The following PAK1 variants were observed in gnomAD, a reference collection of about 807,000 sequenced individuals.
PAK1 encodes the protein serine/threonine-protein kinase PAK 1.
Under a neutral mutation model 67.4 loss-of-function variants are expected in PAK1, and 29 were observed. The ratio of observed to expected loss-of-function variants is 0.43; its 90% CI spans 0.32 to 0.59. The LOEUF (loss-of-function observed/expected upper bound fraction) is 0.59, where lower values mean the gene tolerates loss of function less well. PAK1 is among the 20% of genes least tolerant of loss of function. The pLI is 0.07. For synonymous variants in PAK1, 223 were observed against 237.4 expected, an observed-to-expected ratio of 0.94 and a Z score of 0.56; for missense variants, 337 against 670.7, an observed-to-expected ratio of 0.50 and a Z score of 5.50.
chr11:77,378,148 C>T (rs1487738677), intron 4 of PAK1, among the ~76,000 whole-genome samples: 1 of 152,106 alleles, frequency 6.6e-6, no homozygotes, highest in Non-Finnish European at 1.5e-5. Flanking sequence ...GAGTAAAGAG[C>T]CTAGAAATTA....
At chr11:77,376,814 C>T (rs1264543657) in intron 4 of PAK1, among the ~76,000 whole-genome samples, 2 of 151,806 alleles carry the variant, frequency 1.3e-5, no homozygotes, top group African/African-American at 2.4e-5. Context: ...GATTGTGCTT[C>T]GGTTATAGGC....
intron 5 of PAK1, among the ~76,000 whole-genome samples, chr11:77,371,510 G>C (rs1180765283): frequency 6.6e-6 from 1 of 152,164 alleles, no homozygotes; most frequent in Admixed American, 6.5e-5. Flanking sequence ...GAATGCTCAG[G>C]AGAGCAGAAT....
intron 8 of PAK1, among the ~76,000 whole-genome samples, chr11:77,350,254 A>G (rs1390918167): frequency 2.6e-5 from 4 of 152,182 alleles, no homozygotes; most frequent in African/African-American, 7.2e-5. Flanking sequence ...ACATAAAATG[A>G]TATTAAATAT....
At chr11:77,405,494 C>A (rs1953351851) in intron 1 of PAK1, among the ~76,000 whole-genome samples, 1 of 151,160 alleles carries the variant, frequency 6.6e-6, no homozygotes, top group African/African-American at 2.4e-5. Flanking sequence ...AGAAGTAATT[C>A]AAAGGCAGAT....
At chr11:77,489,649 C>T in the PAK1 span, among the ~76,000 whole-genome samples, 1 of 151,990 alleles carries the variant, frequency 6.6e-6, no homozygotes, top group Non-Finnish European at 1.5e-5. Context: ...CGGGGTTTCA[C>T]TGTGTTGGCC....
At chr11:77,511,210 G>A in the PAK1 span, among the ~76,000 whole-genome samples, 1 of 152,126 alleles carries the variant, frequency 6.6e-6, no homozygotes, top group Non-Finnish European at 1.5e-5. Context: ...AGGGAAGGGG[G>A]GCAGGATTTA....
chr11:77,335,559 C>G (rs901533253), intron 13 of PAK1, among the ~76,000 whole-genome samples: 1 of 152,172 alleles, frequency 6.6e-6, no homozygotes, highest in African/African-American at 2.4e-5. Context: ...CTTCTCACTT[C>G]CACTCCTACC....
At chr11:77,444,624 G>A (rs1391124890) in intron 1 of PAK1, among the ~76,000 whole-genome samples, 1 of 152,140 alleles carries the variant, frequency 6.6e-6, no homozygotes, top group Non-Finnish European at 1.5e-5. Flanking sequence ...AGAATAAATT[G>A]TTATATACCA....
At chr11:77,360,070 GC>G (rs548201516) in intron 5 of PAK1, among the ~76,000 whole-genome samples, 103 of 152,234 alleles carry the variant, frequency 6.8e-4, no homozygotes, top group African/African-American at 2.0e-3. Context: ...CAGGATGAGA[GC>G]CCCTCCTGCC....
intron 1 of PAK1, among the ~76,000 whole-genome samples, chr11:77,415,976 G>GTATTATTATTATTATTATTATTAT (rs71043573): frequency 0.02 from 3,003 of 147,404 alleles, 48 homozygotes; most frequent in African/African-American, 0.035. Context: ...TGTATTCTTT[G>GTATTATTATTATTATTATTATTAT]TATTATTATT....
At chr11:77,494,313 A>G in the PAK1 span, among the ~76,000 whole-genome samples, 3 of 149,096 alleles carry the variant, frequency 2.0e-5, no homozygotes, top group East Asian at 4.0e-4. Context: ...GTGGATCTCT[A>G]TGTACTAGTG....
chr11:77,388,801 T>G (rs1279844430), intron 2 of PAK1, among the ~76,000 whole-genome samples: 3 of 152,212 alleles, frequency 2.0e-5, no homozygotes, highest in Non-Finnish European at 4.4e-5. Flanking sequence ...TCCCAATATC[T>G]AGACCCCCAC....
At chr11:77,372,206 C>T (rs1346336900) in intron 5 of PAK1, among the ~76,000 whole-genome samples, 2 of 152,226 alleles carry the variant, frequency 1.3e-5, no homozygotes, top group Non-Finnish European at 2.9e-5. Context: ...AAGCACAATT[C>T]GGCTTAAAGC....
intron 1 of PAK1, among the ~76,000 whole-genome samples, chr11:77,408,971 AAGAC>A (rs988240137): frequency 6.6e-6 from 1 of 152,202 alleles, no homozygotes; most frequent in Non-Finnish European, 1.5e-5. Context: ...TTGTATCAAA[AAGAC>A]AGGCAAAGGC....
chr11:77,343,872 C>T lies in PAK1; in HGVS notation c.945G>A (p.Glu315=), dbSNP rs1190851707. The change falls in exon 10 of 15, where the codon GAG becomes GAA. Residue 315 remains glutamate, a synonymous_variant. Coordinates refer to ENST00000356341, the MANE Select transcript of PAK1 (RefSeq NM_002576.5). The part of the protein sequence containing the change: ...QQPKKELIIN[E]ILVMRENKNP... ...TCTTGTTTTCCCTCATGACCAGGAT[C>T]TCATTAATAATCAGCTCTTTCTTGG... 2.5e-6 allele frequency: 4 copies of T among 1,613,504 alleles called. No homozygotes were observed. The highest frequency in any genetic ancestry group is 3.4e-6 in the Non-Finnish European group (4 of 1,179,580).
chr11:77,489,967 C>T, the PAK1 span, among the ~76,000 whole-genome samples: 32 of 149,820 alleles, frequency 2.1e-4, 2 homozygotes, highest in South Asian at 1.7e-3. Context: ...AAGTGAGGAG[C>T]GTCTCTGCCC....
At chr11:77,512,520 G>A in the PAK1 span, among the ~76,000 whole-genome samples, 1 of 152,150 alleles carries the variant, frequency 6.6e-6, no homozygotes, top group South Asian at 2.1e-4. Context: ...TAATGGTACA[G>A]GTTTGATGCT....
intron 1 of PAK1, among the ~76,000 whole-genome samples, chr11:77,456,620 A>G (rs1245933685): frequency 1.3e-5 from 2 of 152,240 alleles, no homozygotes; most frequent in Non-Finnish European, 2.9e-5. Context: ...CTGTAATGAT[A>G]ATGATAGCCG....
chr11:77,490,729 C>T, the PAK1 span, among the ~76,000 whole-genome samples: 2 of 151,954 alleles, frequency 1.3e-5, no homozygotes, highest in African/African-American at 2.4e-5. Flanking sequence ...GGATGGTTGC[C>T]GTGTCTGTGT....
Sources: allele counts gnomAD v4.1 joint callset (sites outside exome capture counted in the v4.1 genomes callset), GRCh38; gene constraint gnomAD v4.1.1; transcripts MANE v1.5; gene names NCBI Gene and HGNC (gene_info 2026-07-23, HGNC 2026-07-21).